Variants in DOP1A observed in about 807,000 individuals in gnomAD.
DOP1A encodes the protein DOP1 leucine zipper like protein A.
Under a neutral mutation model 267.6 loss-of-function variants are expected in DOP1A, and 90 were observed. The ratio of observed to expected loss-of-function variants is 0.34; its 90% CI spans 0.28 to 0.40. DOP1A has a LOEUF of 0.40. Ranked by LOEUF, DOP1A falls within the 10% of genes least tolerant of loss-of-function variation. The pLI is 1.00. For missense variants in DOP1A, 2,437 were observed against 2,900.4 expected, an observed-to-expected ratio of 0.84 and a Z score of 3.67; for synonymous variants, 932 against 999.1, an observed-to-expected ratio of 0.93 and a Z score of 1.27.
At chr6:83,160,673 A>C (rs1187119282) in intron 37 of DOP1A, among the ~76,000 whole-genome samples, 1 of 152,210 alleles carries the variant, frequency 6.6e-6, no homozygotes, top group African/African-American at 2.4e-5. Context: ...AAGCATATAT[A>C]AATTTTAAAA....
rs755214202 is a variant in DOP1A at position 83,147,294 on chromosome 6, A to T, written c.5732+3A>T. 6.9e-7 allele frequency: 1 copy of T among 1,457,068 alleles called. No homozygotes were observed. Among genetic ancestry groups the T allele is most frequent in the South Asian group, 1.3e-5 (1 of 78,022 alleles). 90.3% of individuals were successfully genotyped at this position (1,457,068 alleles called of 1,614,324 possible). ...TTTTTCTATGCTTATATTCAAAGGT[A>T]AGATTACTGATATTGATCTGTCCTT... On this transcript the variant is annotated splice_donor_region_variant and intron_variant, in intron 26 of 38. Coordinates refer to ENST00000349129, the MANE Select transcript of DOP1A (RefSeq NM_015018.4).
intron 15 of DOP1A, among the ~76,000 whole-genome samples, chr6:83,127,428 C>T (rs1329119333): frequency 3.3e-5 from 5 of 152,120 alleles, no homozygotes; most frequent in South Asian, 2.1e-4. Context: ...TAGGCAGAGA[C>T]GAGCACCAAG....
At chr6:83,108,595 A>G (rs1774043612) in intron 4 of DOP1A, among the ~76,000 whole-genome samples, 1 of 152,214 alleles carries the variant, frequency 6.6e-6, no homozygotes. Context: ...GTGATGCCAT[A>G]TTTTGAAATT....
Position 83,129,520 on chromosome 6 carries a change from T to A in DOP1A, c.2341+12T>A. On this transcript the variant is annotated intron_variant, in intron 16 of 38. Coordinates refer to ENST00000349129, the MANE Select transcript of DOP1A (RefSeq NM_015018.4). ...AAAATTGGAGACTGGTAAGGTCATC[T>A]CAGTTTTGCTTATATTTCAGTATTG... The A allele has an allele frequency of 6.7e-7, 1 of 1,497,790 alleles. No homozygotes were observed. The highest frequency in any genetic ancestry group is 8.8e-7 in the Non-Finnish European group (1 of 1,130,076). 92.8% of individuals were successfully genotyped at this position (1,497,790 alleles called of 1,614,324 possible).
chr6:83,076,820 A>T (rs546054163), intron 1 of DOP1A, among the ~76,000 whole-genome samples: 1 of 152,234 alleles, frequency 6.6e-6, no homozygotes, highest in African/African-American at 2.4e-5. Flanking sequence ...TTGCACACCC[A>T]TGTTGATAGC....
intron 3 of DOP1A, among the ~76,000 whole-genome samples, chr6:83,097,868 A>T (rs201679583): frequency 6.8e-6 from 1 of 146,804 alleles, no homozygotes; most frequent in Non-Finnish European, 1.5e-5. Context: ...TTATTTTATT[A>T]TTTTATTTTA....
rs765367130 is a variant in DOP1A at position 83,152,055 on chromosome 6, T to C, written c.6049+28T>C. The C allele has an allele frequency of 1.9e-6, 3 of 1,612,962 alleles. No individual in the cohort carries two copies. In the Admixed American group the frequency reaches 5.0e-5, roughly 27 times the overall value. ...ATTCTTGTCAAACATTTAGGTTTAT[T>C]ATCTGTAAGCAGGCATATATTTACT... On this transcript the variant is annotated intron_variant, in intron 29 of 38. Transcript: ENST00000349129.
At chr6:83,155,298 C>CAA (rs1197027815) in intron 33 of DOP1A, among the ~76,000 whole-genome samples, 27 of 57,760 alleles carry the variant, frequency 4.7e-4, no homozygotes, top group Non-Finnish European at 6.1e-4. Context: ...CCCAGCTCTA[C>CAA]AAAAAAAAAA....
At position 83,134,098 on chromosome 6, in the gene DOP1A, A is replaced by G. The variant is rs188387151; in HGVS notation, c.2770-89A>G. 3.0e-4 allele frequency: 304 copies of G among 1,010,476 alleles called. 1 individual carries two copies. In the African/African-American group the frequency reaches 4.1e-3, roughly 14 times the overall value. The allele number at this position is 1,010,476 out of a possible 1,614,324, so 62.6% of individuals were successfully genotyped here. ...ATATTGTGGACGTTGAACGTAATAC[A>G]GTACTCCTAAATAGTACTCTGATTT... On this transcript the variant is annotated intron_variant, in intron 18 of 38. Coordinates refer to ENST00000349129, the MANE Select transcript of DOP1A (RefSeq NM_015018.4).
intron 1 of DOP1A, among the ~76,000 whole-genome samples, chr6:83,078,857 C>T (rs1767592682): frequency 6.6e-6 from 1 of 152,150 alleles, no homozygotes; most frequent in Admixed American, 6.5e-5. Context: ...TTAATTCTCT[C>T]TTACAGAATT....
chr6:83,094,661 T>C (rs1158542864), intron 1 of DOP1A, among the ~76,000 whole-genome samples: 1 of 152,224 alleles, frequency 6.6e-6, no homozygotes, highest in Middle Eastern at 3.2e-3. Context: ...TTTACGTACT[T>C]ATTGACCATT....
intron 1 of DOP1A, among the ~76,000 whole-genome samples, chr6:83,084,179 G>A (rs1011285601): frequency 6.6e-6 from 1 of 152,124 alleles, no homozygotes; most frequent in Non-Finnish European, 1.5e-5. Flanking sequence ...TGTAACAGTG[G>A]TCCCGTAAGG....
intron 7 of DOP1A, among the ~76,000 whole-genome samples, chr6:83,116,018 A>G (rs759610809): frequency 6.6e-6 from 1 of 152,210 alleles, no homozygotes; most frequent in African/African-American, 2.4e-5. Flanking sequence ...AAGGTCCTCA[A>G]AAATCTTTTG....
At chr6:83,166,268 A>G (rs1785537329) in intron 38 of DOP1A, 2 of 548,470 alleles carry the variant, frequency 3.6e-6, no homozygotes, top group East Asian at 2.9e-5. Flanking sequence ...GCTCTCTTAT[A>G]GTTGTAAGAG....
rs371286318 is a variant in DOP1A at position 83,116,710 on chromosome 6, C to T, written c.781-2178C>T. Among the ~76,000 whole-genome samples the T allele has an allele frequency of 2.7e-3, 409 of 152,214 alleles. 20 individuals are homozygous for T. In the South Asian group the frequency reaches 0.082, roughly 30 times the overall value. ...CCTGTAACCCCAGCTACTCTGGAGG[C>T]TGAGGCAGGAGAATCACTTGAACCT... On this transcript the variant is annotated intron_variant, in intron 7 of 38. Transcript: ENST00000349129.
chr6:83,149,960 A>G (rs59057808), intron 27 of DOP1A, among the ~76,000 whole-genome samples: 2,556 of 152,316 alleles, frequency 0.017, 85 homozygotes, highest in African/African-American at 0.057. Flanking sequence ...TAATTGTCCA[A>G]TCACCAGTTA....
chr6:83,168,333 G>A lies in DOP1A; in HGVS notation c.*166G>A, dbSNP rs1786351764. The A allele has an allele frequency of 2.8e-6, 4 of 1,414,894 alleles. No individual in the cohort carries two copies. In the South Asian group the frequency reaches 6.3e-5, roughly 22 times the overall value. The allele number at this position is 1,414,894 out of a possible 1,614,324, so 87.6% of individuals were successfully genotyped here. ...AAGAGCAAATGTCTGAATGTGGCCT[G>A]AATCAAGTTTAAATATTGTTGGCTC... On this transcript the variant is annotated 3_prime_UTR_variant, in exon 39 of 39. Coordinates refer to ENST00000349129, the MANE Select transcript of DOP1A (RefSeq NM_015018.4).
chr6:83,093,904 A>C (rs1039211323), intron 1 of DOP1A, among the ~76,000 whole-genome samples: 4 of 152,170 alleles, frequency 2.6e-5, no homozygotes, highest in African/African-American at 9.7e-5. Context: ...ACAGAGTGAG[A>C]CTCCGTCTCA....
intron 23 of DOP1A, among the ~76,000 whole-genome samples, chr6:83,141,174 A>C (rs1021234619): frequency 2.6e-5 from 4 of 152,208 alleles, no homozygotes; most frequent in African/African-American, 7.2e-5. Context: ...TTCTTATTGG[A>C]TGGAGAAGGG....
Sources: allele counts gnomAD v4.1 joint callset (sites outside exome capture counted in the v4.1 genomes callset), GRCh38; gene constraint gnomAD v4.1.1; transcripts MANE v1.5; gene names NCBI Gene and HGNC (gene_info 2026-07-23, HGNC 2026-07-21).